Variants in SPAG8 observed in about 807,000 individuals in gnomAD.
SPAG8 encodes sperm associated antigen 8, also known as sperm-associated antigen 8.
In SPAG8, 36 loss-of-function variants were observed where a neutral mutation model predicts 45.3. That is an observed-to-expected ratio of 0.80 (90% CI 0.61 to 1.05). The LOEUF is 1.05. Ranked by LOEUF, SPAG8 falls within the 50% of genes least tolerant of loss-of-function variation. SPAG8 has a pLI of 0.00. For synonymous variants in SPAG8, 227 were observed against 232.6 expected (o/e 0.98, Z 0.22); for missense variants, 573 against 609.2 (o/e 0.94, Z 0.63).
chr9:35,809,612 TAC>T (rs1281891201), downstream of SPAG8: 1 of 1,180,322 alleles, frequency 8.5e-7, no homozygotes, highest in Non-Finnish European at 1.3e-6. The surrounding 1 kb of genome is among the most constrained non-coding windows in gnomAD (Gnocchi z 4.1). Context: ...CTCAGCCCTG[TAC>T]ATATACCTGT....
In SPAG8 at chr9:35,810,083, C is replaced by T. The variant is rs989375889; in HGVS notation, c.1313G>A (p.Ser438Asn). The T allele has an allele frequency of 1.2e-6, 2 of 1,612,910 alleles. No homozygotes were observed. The highest frequency in any genetic ancestry group is 2.7e-5 in the African/African-American group (2 of 74,912). Residue 438 changes from serine (S) to asparagine (N), a missense_variant, in exon 7 of 7, where the codon AGC becomes AAC. Coordinates refer to ENST00000396638, the MANE Select transcript of SPAG8 (RefSeq NM_001039592.2). ...AGACAAGGGTACTGGTGTTGAGAAG[C>T]TGCAGTTCTTCCGGAATGGTGTGTC... ...TLDTPFRKNC[S>N]FSTPVPLSLG...
Position 35,811,495 on chromosome 9 carries a change from CCAGAGCCAGG to C in SPAG8, c.541_550del (p.Pro181ValfsTer68). 1.0e-6 allele frequency: 1 copy of C among 989,588 alleles called. No homozygotes were observed. The highest frequency in any genetic ancestry group is 1.3e-6 in the Non-Finnish European group (1 of 750,058). 61.3% of individuals were successfully genotyped at this position (989,588 alleles called of 1,614,324 possible). ...ATGAGAGCCAGAGCCATGACCAGGA[CCAGAGCCAGG>C]ACCAGAGCCAGGACCAGGACCAGAG... On this transcript the variant is annotated frameshift_variant, in exon 2 of 7. Transcript: ENST00000396638. LOFTEE classifies it high-confidence loss of function.
In SPAG8 at chr9:35,810,449, G is replaced by A. The variant is rs749260168; in HGVS notation, c.1190C>T (p.Ala397Val). Residue 397 changes from alanine to valine, a missense_variant, in exon 5 of 7, where the codon GCC becomes GTC. By Grantham distance (64) the Ala-to-Val change is moderately conservative. Transcript: ENST00000396638. ...GGGGTGGGTTCTCACCTTTGTTGGG[G>A]CAGGAGTCCCTGCTTGTGCCAGCTC... ...RMELAQAGTP[A>V]PTKPHDYRQE... 1.9e-6 allele frequency: 3 copies of A among 1,613,684 alleles called. No individual in the cohort carries two copies. Among genetic ancestry groups the A allele is most frequent in the Non-Finnish European group, 2.5e-6 (3 of 1,179,742 alleles).
Position 35,812,133 on chromosome 9 carries a change from C to T in SPAG8, c.15G>A (p.Glu5=). The change falls in exon 1 of 7, where the codon GAG becomes GAA. Residue 5 remains glutamate (E), a synonymous_variant. Coordinates refer to ENST00000396638, the MANE Select transcript of SPAG8 (RefSeq NM_001039592.2). The part of the protein sequence containing the change: METN[E]STEGSRSRSR... ...ACCGCGACCGCGATCCCTCCGTAGA[C>T]TCGTTGGTCTCCATCTTCAGACTCC... The T allele has an allele frequency of 6.2e-7, 1 of 1,607,322 alleles. No individual in the cohort carries two copies. The highest frequency in any genetic ancestry group is 8.5e-7 in the Non-Finnish European group (1 of 1,179,996).
Position 35,810,973 on chromosome 9 carries a change from G to A in SPAG8, c.949C>T (p.Leu317=). Residue 317 remains leucine, a synonymous_variant, in exon 3 of 7, where the codon CTG becomes TTG. Transcript: ENST00000396638. The part of the protein sequence containing the change: ...FFFRHGHRGL[L]TMQLKSPMPS... The stretch of plus-strand genomic sequence containing the variant: ...ATGGGTGACTTTAGTTGCATAGTCA[G>A]CAGTCCCCGGTGTCCGTGTCGGAAG... 1 of 1,614,114 alleles carries A rather than the reference G, an allele frequency of 6.2e-7. No homozygotes were observed. Among genetic ancestry groups the A allele is most frequent in the East Asian group, 2.2e-5 (1 of 44,878 alleles).
rs1554675571 is a variant in SPAG8, at chr9:35,811,506, ACCAGAG to A, written c.534_539del (p.Ser179_Gly180del). On this transcript the variant is annotated inframe_deletion, in exon 2 of 7. Transcript: ENST00000396638. ...AGCCATGACCAGGACCAGAGCCAGG[ACCAGAG>A]CCAGGACCAGGACCAGAGCCAGAGC... The A allele has an allele frequency of 1.9e-6, 3 of 1,603,206 alleles. No individual in the cohort carries two copies. The highest frequency in any genetic ancestry group is 1.3e-5 in the African/African-American group (1 of 74,168).
downstream of SPAG8, chr9:35,809,642 C>T (rs771228832): frequency 9.0e-7 from 1 of 1,105,866 alleles, no homozygotes; most frequent in East Asian, 2.3e-5. The surrounding 1 kb of genome is among the most constrained non-coding windows in gnomAD (Gnocchi z 4.1). Flanking sequence ...TGGCTTGGTC[C>T]CCTTCCTCCC....
chr9:35,809,592 C>T (rs557855021), downstream of SPAG8: 1 of 1,330,456 alleles, frequency 7.5e-7, no homozygotes, highest in African/African-American at 1.4e-5. The surrounding 1 kb of genome is among the most constrained non-coding windows in gnomAD (Gnocchi z 4.1). Context: ...GAAGTTGTAG[C>T]CCTCTGCAGC....
At chr9:35,811,083 T>C (rs1828767080) in intron 2 of SPAG8, 26 bp from the exon 3 acceptor site, 1 of 1,604,640 alleles carries the variant, frequency 6.2e-7, no homozygotes, top group Non-Finnish European at 8.5e-7. Context: ...TGAATGACTA[T>C]AATATCCCTT....
At chr9:35,809,554 A>G, downstream of SPAG8, 1 of 1,583,068 alleles carries the variant, frequency 6.3e-7, no homozygotes, top group Non-Finnish European at 8.7e-7. This position sits in a 1 kb window ranked among gnomAD's most constrained non-coding sequence, Gnocchi z 4.1. Flanking sequence ...GCAATGGAAA[A>G]CAGCCACAAA....
rs374403759 is a variant in SPAG8, at chr9:35,812,193, C to A, written c.-46G>T. On this transcript the variant is annotated 5_prime_UTR_variant, in exon 1 of 7. Transcript: ENST00000396638. ...GTTGCCATAGAGACAGCAAACAACTCCTGGAGCCTGCGCAGAAGTACAGCT... is the reference window on the plus strand; with the variant it reads ...GTTGCCATAGAGACAGCAAACAACTACTGGAGCCTGCGCAGAAGTACAGCT... 6.3e-7 allele frequency: 1 copy of A among 1,592,518 alleles called. No individual in the cohort carries two copies. The highest frequency in any genetic ancestry group is 8.5e-7 in the Non-Finnish European group (1 of 1,175,714).
chr9:35,811,877 C>T lies in SPAG8; in HGVS notation c.169G>A (p.Ala57Thr), dbSNP rs574588474. 9 of 1,609,858 alleles carry T rather than the reference C, an allele frequency of 5.6e-6. No individual in the cohort carries two copies. The highest frequency in any genetic ancestry group is 3.3e-5 in the South Asian group (3 of 91,038). ...ATAAAAAAAS[A>T]AAATAAFTTA... ...GTGAAGGCTGCAGTAGCTGCAGCAG[C>T]TGATGCAGCCGCTGCAGCTGCTGCG... The change falls in exon 2 of 7, where the codon GCT becomes ACT. Residue 57 changes from alanine (A) to threonine (T), a missense_variant. Ala to Thr is a moderately conservative substitution (Grantham distance 58, BLOSUM62 0). Transcript: ENST00000396638.
At chr9:35,809,050 C>T, downstream of SPAG8, 1 of 1,173,618 alleles carries the variant, frequency 8.5e-7, no homozygotes, top group Admixed American at 1.7e-5. This position sits in a 1 kb window ranked among gnomAD's most constrained non-coding sequence, Gnocchi z 4.1. Flanking sequence ...TTGGGAGCTT[C>T]CCAGGGATGG....
chr9:35,810,306 G>A lies in SPAG8; in HGVS notation c.1204C>T (p.His402Tyr). ...QAGTPAPTKP[H>Y]DYRQEQPETF... ...TCAGGTTGCTCCTGGCGGTAGTCGT[G>A]AGGCTGTGAGGGAGGGTACTGAGTA... The change falls in exon 6 of 7, where the codon CAC (histidine) becomes TAC (tyrosine). Residue 402 changes from histidine to tyrosine, a missense_variant. By Grantham distance (83) the His-to-Tyr change is moderately conservative. Coordinates refer to ENST00000396638, the MANE Select transcript of SPAG8 (RefSeq NM_001039592.2). The A allele has an allele frequency of 6.2e-7, 1 of 1,614,184 alleles. No individual in the cohort carries two copies. Among genetic ancestry groups the A allele is most frequent in the Non-Finnish European group, 8.5e-7 (1 of 1,180,002 alleles).
At position 35,810,248 on chromosome 9, in the gene SPAG8, G is replaced by A. The variant is rs61758536; in HGVS notation, c.1262C>T (p.Pro421Leu). 11,560 of 1,614,010 alleles carry A rather than the reference G, an allele frequency of 7.2e-3. 150 individuals carry two copies. Among genetic ancestry groups the A allele is most frequent in the East Asian group, 0.051 (2,301 of 44,870 alleles). Residue 421 changes from proline to leucine, a missense_variant and splice_region_variant, in exon 6 of 7, where the codon CCG becomes CTG. By Grantham distance (98) the Pro-to-Leu change is moderately conservative. Transcript: ENST00000396638. Reference protein sequence around the residue: ...TFWIQRAPQLPGVSNIRTLDT... With the variant: ...TFWIQRAPQLLGVSNIRTLDT... ...CAACACCTAGTCACCCTCACACACCGGCAGCTGTGGTGCCCTCTGTATCCA... is the reference window on the plus strand; with the variant it reads ...CAACACCTAGTCACCCTCACACACCAGCAGCTGTGGTGCCCTCTGTATCCA...
intron 2 of SPAG8, 42 bp downstream of exon 2, chr9:35,811,140 G>A: frequency 6.4e-7 from 1 of 1,557,884 alleles, no homozygotes; most frequent in Non-Finnish European, 8.7e-7. Context: ...AAGAAACTGA[G>A]GGCAGCCTTC....
In SPAG8 at chr9:35,811,210, TGGCCCCGC is replaced by T. The variant is rs757216998; in HGVS notation, c.828_835del (p.Arg277ValfsTer26). ...TTCCTCCCAGTTGTAGAGGAGGCAC[TGGCCCCGC>T]GGCAAAGTTTCATAGCAAACCATAA... On this transcript the variant is annotated frameshift_variant, in exon 2 of 7. Coordinates refer to ENST00000396638, the MANE Select transcript of SPAG8 (RefSeq NM_001039592.2). LOFTEE classifies it high-confidence loss of function. 3 of 1,581,568 alleles carry T rather than the reference TGGCCCCGC, an allele frequency of 1.9e-6. No homozygotes were observed. The South Asian group carries it at 3.5e-5, about 18-fold the overall frequency.
At chr9:35,809,137 C>G, downstream of SPAG8, 1 of 1,604,416 alleles carries the variant, frequency 6.2e-7, no homozygotes. This position sits in a 1 kb window ranked among gnomAD's most constrained non-coding sequence, Gnocchi z 4.1. Context: ...CACCATCCTC[C>G]CCATTCCACC....
downstream of SPAG8, chr9:35,808,266 T>A (rs146708538): frequency 5.6e-4 from 900 of 1,614,074 alleles, no homozygotes; most frequent in Non-Finnish European, 7.3e-4. The surrounding 1 kb of genome is among the most constrained non-coding windows in gnomAD (Gnocchi z 4.0). Flanking sequence ...AGACAGGGTG[T>A]TCATTCATTC....
Sources: allele counts gnomAD v4.1 joint callset, GRCh38; gene constraint gnomAD v4.1.1; non-coding constraint Gnocchi (gnomAD v3.1); transcripts MANE v1.5; gene names NCBI Gene and HGNC (gene_info 2026-07-23, HGNC 2026-07-21).